GET1: variants seen among roughly 807,000 people sequenced by gnomAD.
GET1 encodes the protein guided entry of tail-anchored proteins factor 1.
Under a neutral mutation model 22.6 loss-of-function variants are expected in GET1, and 20 were observed. The observed-to-expected ratio is 0.89, with a 90% CI of 0.62 to 1.29. The LOEUF is 1.29. Among genes scored for constraint, GET1 ranks in the 50% most tolerant of loss-of-function variants. GET1 has a pLI of 0.00. For synonymous variants in GET1, 92 were observed against 83.8 expected (o/e 1.10, Z -0.53); for missense variants, 209 against 219.9 (o/e 0.95, Z 0.31).
chr21:39,384,990 G>A (rs1490559438), intron 1 of GET1, among the ~76,000 whole-genome samples: 3 of 152,256 alleles, frequency 2.0e-5, no homozygotes, highest in African/African-American at 4.8e-5. Flanking sequence ...CTGGTCACTG[G>A]GTTTGTGGTG....
chr21:39,400,194 T>A (rs1347289347), downstream of GET1, among the ~76,000 whole-genome samples: 3 of 96,444 alleles, frequency 3.1e-5, no homozygotes, highest in Non-Finnish European at 7.3e-5. Context: ...GCGCACGTGC[T>A]GACAGCCCCC....
At chr21:39,410,044 T>G, downstream of GET1, 2 of 1,610,956 alleles carry the variant, frequency 1.2e-6, no homozygotes, top group Non-Finnish European at 1.7e-6. Flanking sequence ...AATTTCATGA[T>G]TTATTTCAGT....
chr21:39,403,558 A>G (rs143031654), intron 4 of GET1, among the ~76,000 whole-genome samples: 61,737 of 151,074 alleles, frequency 0.41, 13,766 homozygotes, highest in African/African-American at 0.59. Context: ...ATCTGACTTC[A>G]TGATCCGCCC....
intron 1 of GET1, chr21:39,423,447 T>C (rs1569101081): frequency 1.3e-6 from 2 of 1,587,824 alleles, no homozygotes; most frequent in Non-Finnish European, 1.7e-6. Context: ...TAAAGAGTGA[T>C]GCATTCCAGG....
chr21:39,398,977 C>T (rs887766035), downstream of GET1, among the ~76,000 whole-genome samples: 20 of 147,528 alleles, frequency 1.4e-4, no homozygotes, highest in African/African-American at 4.8e-4. Context: ...TGACCTCAGC[C>T]GATCCACCCG....
At chr21:39,415,769 A>AT (rs1168898686) in intron 1 of GET1, among the ~76,000 whole-genome samples, 2 of 151,862 alleles carry the variant, frequency 1.3e-5, no homozygotes, top group African/African-American at 4.8e-5. Flanking sequence ...CTCACCTCTT[A>AT]TTTTTTCTGC....
chr21:39,417,774 A>G (rs1569084847), intron 1 of GET1, among the ~76,000 whole-genome samples: 2 of 150,644 alleles, frequency 1.3e-5, no homozygotes, highest in African/African-American at 2.4e-5. Flanking sequence ...TTAATTTTTA[A>G]TTTTTTTTTG....
chr21:39,380,985 A>T, intron 1 of GET1: 1 of 982,114 alleles, frequency 1.0e-6, no homozygotes, highest in Non-Finnish European at 1.2e-6. Context: ...TCAGTATCCA[A>T]GGGAGCAACC....
intron 1 of GET1, chr21:39,421,588 A>G (rs2073776958): frequency 6.6e-6 from 1 of 152,216 alleles, no homozygotes; most frequent in South Asian, 2.1e-4. Context: ...AATGAGAACT[A>G]TTTTATTGGA....
At chr21:39,419,219 T>C (rs1183813964) in intron 1 of GET1, among the ~76,000 whole-genome samples, 1 of 152,024 alleles carries the variant, frequency 6.6e-6, no homozygotes, top group African/African-American at 2.4e-5. Context: ...AATTGCCTAA[T>C]TGTCACAAAA....
intron 1 of GET1, among the ~76,000 whole-genome samples, chr21:39,414,717 T>C (rs1039482187): frequency 2.8e-5 from 3 of 105,460 alleles, no homozygotes; most frequent in African/African-American, 7.5e-5. Context: ...TCTCTCCCTC[T>C]CTCTCTCTCT....
downstream of GET1, chr21:39,409,899 A>G (rs1190190791): frequency 1.6e-5 from 13 of 819,240 alleles, no homozygotes; most frequent in Non-Finnish European, 2.5e-5. This position sits in a 1 kb window ranked among gnomAD's most constrained non-coding sequence, Gnocchi z 4.2. Context: ...CAGCTGTTTT[A>G]TGTGTGCTTT....
chr21:39,417,096 G>C (rs1231137347), intron 1 of GET1, among the ~76,000 whole-genome samples: 6 of 152,286 alleles, frequency 3.9e-5, no homozygotes, highest in Admixed American at 2.0e-4. Flanking sequence ...GCAATGGCAC[G>C]ATCTTAGCTC....
intron 1 of GET1, among the ~76,000 whole-genome samples, chr21:39,419,072 C>T (rs1473073935): frequency 6.6e-6 from 1 of 151,992 alleles, no homozygotes; most frequent in African/African-American, 2.4e-5. Flanking sequence ...TTCTTTCATC[C>T]TCCAAATCCC....
chr21:39,396,480 A>G (rs1252957633), intron 4 of GET1, among the ~76,000 whole-genome samples: 1 of 151,850 alleles, frequency 6.6e-6, no homozygotes, highest in Non-Finnish European at 1.5e-5. Flanking sequence ...GTGAGCCAAG[A>G]TCGCGCCACT....
At chr21:39,406,217 T>G in exon 5 of GET1, 3 of 1,613,118 alleles carry the variant, frequency 1.9e-6, no homozygotes, top group Non-Finnish European at 1.7e-6. Flanking sequence ...TCTCTGTTAC[T>G]GAGATGCTTG....
intron 1 of GET1, chr21:39,422,988 G>C (rs1380437387): frequency 9.9e-6 from 16 of 1,609,320 alleles, no homozygotes; most frequent in Non-Finnish European, 1.3e-5. Context: ...GTATTTTTTT[G>C]TCATTTGCGT....
At chr21:39,416,015 A>G (rs1048482938) in intron 1 of GET1, among the ~76,000 whole-genome samples, 3 of 152,212 alleles carry the variant, frequency 2.0e-5, no homozygotes, top group African/African-American at 7.2e-5. Context: ...ACTGATGATC[A>G]TTGATTAGAG....
At chr21:39,423,479 T>C (rs746878776) in intron 1 of GET1, 6 of 1,563,336 alleles carry the variant, frequency 3.8e-6, no homozygotes, top group South Asian at 1.2e-5. Flanking sequence ...TCAACTGATA[T>C]TTCCTTCTGG....
Sources: allele counts gnomAD v4.1 joint callset (sites outside exome capture counted in the v4.1 genomes callset), GRCh38; gene constraint gnomAD v4.1.1; non-coding constraint Gnocchi (gnomAD v3.1); transcripts MANE v1.5; gene names NCBI Gene and HGNC (gene_info 2026-07-23, HGNC 2026-07-21).